Variants in WDPCP observed in about 807,000 individuals in gnomAD.
The protein encoded by WDPCP is WD repeat-containing and planar cell polarity effector protein fritz homolog.
In WDPCP, 71 loss-of-function variants were observed where a neutral mutation model predicts 93.1. That is an observed-to-expected ratio of 0.76 (90% CI 0.63 to 0.93). The LOEUF is 0.93. Ranked by LOEUF, WDPCP falls within the 40% of genes least tolerant of loss-of-function variation. WDPCP has a pLI of 0.00. For synonymous variants in WDPCP, 315 were observed against 315.0 expected (o/e 1.00, Z 0.00); for missense variants, 844 against 887.4 (o/e 0.95, Z 0.62).
At chr2:63,557,606 G>A (rs1438904109) in intron 1 of WDPCP, among the ~76,000 whole-genome samples, 5 of 151,574 alleles carry the variant, frequency 3.3e-5, no homozygotes, top group South Asian at 2.1e-4. Flanking sequence ...GAAAATTAAC[G>A]AGGATATTCA....
chr2:63,414,104 A>C (rs1695227794), intron 9 of WDPCP, among the ~76,000 whole-genome samples: 1 of 152,214 alleles, frequency 6.6e-6, no homozygotes, highest in Admixed American at 6.5e-5. Context: ...GATCAGGGAA[A>C]TGCAAATCAA....
At chr2:63,699,827 T>C (rs1219148688) in intron 2 of WDPCP, among the ~76,000 whole-genome samples, 2 of 152,148 alleles carry the variant, frequency 1.3e-5, no homozygotes, top group African/African-American at 4.8e-5. Flanking sequence ...AAAATGTGTC[T>C]TAGAATTGAC....
intron 1 of WDPCP, among the ~76,000 whole-genome samples, chr2:63,507,030 TAGTC>T (rs150164821): frequency 0.02 from 3,022 of 152,086 alleles, 113 homozygotes; most frequent in African/African-American, 0.069. Context: ...CAGTGATTCT[TAGTC>T]AGACATCAGA....
At chr2:63,730,429 T>C (rs112320363) in intron 2 of WDPCP, among the ~76,000 whole-genome samples, 2,606 of 152,244 alleles carry the variant, frequency 0.017, 25 homozygotes, top group African/African-American at 0.019. Context: ...GACAAGTAAT[T>C]TCTTAATGAC....
At chr2:63,259,949 G>A (rs1681488901) in intron 13 of WDPCP, among the ~76,000 whole-genome samples, 1 of 152,190 alleles carries the variant, frequency 6.6e-6, no homozygotes, top group South Asian at 2.1e-4. Flanking sequence ...GCCCAGTGGG[G>A]AGAGAGACCA....
At chr2:63,291,813 A>C (rs1684443011) in intron 13 of WDPCP, among the ~76,000 whole-genome samples, 1 of 151,156 alleles carries the variant, frequency 6.6e-6, no homozygotes, top group South Asian at 2.1e-4. Flanking sequence ...TCTTACAAAA[A>C]AAAAAAAAGA....
chr2:63,619,122 C>T (rs750285107), intron 3 of WDPCP, among the ~76,000 whole-genome samples: 54 of 152,264 alleles, frequency 3.5e-4, no homozygotes, highest in Non-Finnish European at 7.2e-4. Context: ...TTTATTCTGT[C>T]ATCTTCTTTG....
chr2:63,388,207 G>T (rs981940885), intron 10 of WDPCP, among the ~76,000 whole-genome samples: 54 of 152,060 alleles, frequency 3.6e-4, no homozygotes, highest in Admixed American at 2.4e-3. Context: ...ACAGAAGACG[G>T]GTGATTTCTG....
intron 10 of WDPCP, among the ~76,000 whole-genome samples, chr2:63,402,392 T>C (rs998735984): frequency 2.0e-5 from 3 of 152,096 alleles, no homozygotes; most frequent in African/African-American, 7.2e-5. Flanking sequence ...AGATGACAGG[T>C]TGATAGGTGT....
At chr2:63,608,209 G>T (rs1006257085) in intron 3 of WDPCP, among the ~76,000 whole-genome samples, 1 of 152,050 alleles carries the variant, frequency 6.6e-6, no homozygotes, top group Non-Finnish European at 1.5e-5. Context: ...ATGGTAATAG[G>T]TTTTCACTGG....
At chr2:63,139,559 TC>T (rs2103679147) in intron 17 of WDPCP, among the ~76,000 whole-genome samples, 1 of 152,322 alleles carries the variant, frequency 6.6e-6, no homozygotes, top group South Asian at 2.1e-4. Flanking sequence ...GATTTGTATT[TC>T]CCTGATCATT....
chr2:63,499,376 A>C (rs780405159), intron 1 of WDPCP, among the ~76,000 whole-genome samples: 4 of 152,196 alleles, frequency 2.6e-5, no homozygotes, highest in Non-Finnish European at 4.4e-5. Context: ...AGTCTTTGCC[A>C]AGCTCAGGAA....
chr2:63,791,609 C>T (rs1023574107), intron 2 of WDPCP, among the ~76,000 whole-genome samples: 4 of 152,116 alleles, frequency 2.6e-5, no homozygotes, highest in Non-Finnish European at 5.9e-5. Flanking sequence ...GAGATTAGCA[C>T]CATTACACCC....
Position 63,431,667 on chromosome 2 carries a change from T to TCACA in WDPCP, c.825+2074_825+2077dup, listed in dbSNP as rs374464274. Among the ~76,000 whole-genome samples the TCACA allele has an allele frequency of 8.8e-4, 132 of 150,572 alleles. 3 individuals carry two copies. In the South Asian group the frequency reaches 0.026, roughly 29 times the overall value. On this transcript the variant is annotated intron_variant, in intron 9 of 17. Coordinates refer to ENST00000272321, the MANE Select transcript of WDPCP (RefSeq NM_015910.7). ...TACTTCGTATTTAAAGATTATGTCT[T>TCACA]CACACACACACACACACAAGAAAAA...
chr2:63,604,749 G>C (rs1274654390), intron 3 of WDPCP: 1 of 1,614,042 alleles, frequency 6.2e-7, no homozygotes, highest in Admixed American at 1.7e-5. Context: ...TCATTATCTG[G>C]GGAAACCATT....
intron 14 of WDPCP, among the ~76,000 whole-genome samples, chr2:63,217,221 T>C (rs897261060): frequency 1.3e-5 from 2 of 152,340 alleles, no homozygotes; most frequent in South Asian, 2.1e-4. Flanking sequence ...CAATGTTATA[T>C]AGAATTTATA....
intron 2 of WDPCP, chr2:63,751,940 C>T (rs1409445841): frequency 2.0e-5 from 13 of 663,222 alleles, no homozygotes; most frequent in Non-Finnish European, 2.3e-5. Flanking sequence ...CCATATCCAC[C>T]ATGACCACAG....
intron 1 of WDPCP, among the ~76,000 whole-genome samples, chr2:63,569,804 A>T (rs1035912189): frequency 6.6e-6 from 1 of 152,214 alleles, no homozygotes; most frequent in African/African-American, 2.4e-5. Flanking sequence ...GCTAGCAAGC[A>T]TATTTTCAGT....
chr2:63,164,871 C>G (rs555773494), intron 15 of WDPCP, among the ~76,000 whole-genome samples: 2 of 152,100 alleles, frequency 1.3e-5, no homozygotes, highest in East Asian at 3.9e-4. Flanking sequence ...GATTTATAAT[C>G]ATCAGGTGAA....
Sources: allele counts gnomAD v4.1 joint callset (sites outside exome capture counted in the v4.1 genomes callset), GRCh38; gene constraint gnomAD v4.1.1; transcripts MANE v1.5; gene names NCBI Gene and HGNC (gene_info 2026-07-23, HGNC 2026-07-21).